Variants in KLHL11 observed in about 807,000 individuals in gnomAD.
The protein encoded by KLHL11 is kelch like family member 11, also known as kelch-like protein 11.
KLHL11 carries 26 observed loss-of-function variants against 56.1 expected under a neutral mutation model. That is an observed-to-expected ratio of 0.46 (90% confidence interval 0.34 to 0.64). The LOEUF (loss-of-function observed/expected upper bound fraction) is 0.64, where lower values mean the gene tolerates loss of function less well. KLHL11 is among the 30% of genes least tolerant of loss of function. KLHL11 has a pLI of 0.01. For missense variants in KLHL11, 627 were observed against 919.4 expected, an observed-to-expected ratio of 0.68 and a Z score of 4.11; for synonymous variants, 338 against 345.8, an observed-to-expected ratio of 0.98 and a Z score of 0.25.
intron 1 of KLHL11, among the ~76,000 whole-genome samples, chr17:41,857,177 A>C (rs2144157053): frequency 6.6e-6 from 1 of 152,010 alleles, no homozygotes; most frequent in African/African-American, 2.4e-5. Context: ...ACTGCACTCC[A>C]GCCTGGGCAA....
At position 41,861,686 on chromosome 17, in the gene KLHL11, C is replaced by CAAAA. The variant is rs71155178; in HGVS notation, c.545+3136_545+3139dup. ...GGGAAACAGAGCGAGACTCTTGTCT[C>CAAAA]AAAAAAAAAAAAAAAAAAAAAAAAA... On this transcript the variant is annotated intron_variant, in intron 1 of 1. Transcript: ENST00000319121. 9.3e-3 allele frequency among the ~76,000 whole-genome samples: 576 copies of CAAAA among 61,864 alleles called. 9 individuals are homozygous for CAAAA. Among genetic ancestry groups the CAAAA allele is most frequent in the African/African-American group, 0.019 (287 of 15,176 alleles). The allele number at this position is 61,864 out of a possible 152,430, so 40.6% of individuals were successfully genotyped here.
intron 1 of KLHL11, among the ~76,000 whole-genome samples, chr17:41,862,182 G>A (rs1192796899): frequency 2.0e-5 from 3 of 151,916 alleles, no homozygotes; most frequent in African/African-American, 4.8e-5. Context: ...TCCACCTCCC[G>A]GGTTCAAGCA....
rs782591374 is a variant in KLHL11 at position 41,865,335 on chromosome 17, C to G, written c.36G>C (p.Ala12=). The G allele has an allele frequency of 1.2e-5, 16 of 1,372,608 alleles. No individual in the cohort carries two copies. Among genetic ancestry groups the G allele is most frequent in the Non-Finnish European group, 1.5e-5 (16 of 1,064,192 alleles). The allele number at this position is 1,372,608 out of a possible 1,614,324, so 85.0% of individuals were successfully genotyped here. A position where few individuals can be genotyped will look rare whatever the true frequency, so the allele number is the denominator to read the frequency against. ...GTACCTGAAGAGATGCAGCCGCGGC[C>G]GCCGCCGCCGCCGCCGCCACTGCCG... is the stretch of plus-strand genomic sequence containing the variant. ...AAAAVAAAAA[A]AAAASLQVLE... The change falls in exon 1 of 2, where the codon GCG becomes GCC. Residue 12 remains alanine, a synonymous_variant. Transcript: ENST00000319121.
intron 1 of KLHL11, among the ~76,000 whole-genome samples, chr17:41,862,279 A>ATT (rs1168636204): frequency 8.9e-6 from 1 of 112,342 alleles, no homozygotes; most frequent in African/African-American, 3.4e-5. Context: ...GTATTTATTT[A>ATT]TTTTTTTTTT....
In KLHL11 at chr17:41,850,459, A is replaced by G. The variant is rs1555621934; in HGVS notation, c.*3281T>C. On this transcript the variant is annotated 3_prime_UTR_variant, in exon 2 of 2. Coordinates refer to ENST00000319121, the MANE Select transcript of KLHL11 (RefSeq NM_018143.3). ...GATGTGAAAAAAACACAACCCCACA[A>G]ATGACTTGGTAATAATTATCTCAGA... is the stretch of plus-strand genomic sequence containing the variant. 1 of 152,180 alleles carries G rather than the reference A, an allele frequency of 6.6e-6. No individual in the cohort carries two copies. Among genetic ancestry groups the G allele is most frequent in the Non-Finnish European group, 1.5e-5 (1 of 68,022 alleles). 9.4% of individuals were successfully genotyped at this position (152,180 alleles called of 1,614,324 possible). A position where few individuals can be genotyped will look rare whatever the true frequency, so the allele number is the denominator to read the frequency against.
chr17:41,858,470 T>G (rs1168922424), intron 1 of KLHL11, among the ~76,000 whole-genome samples: 3 of 151,052 alleles, frequency 2.0e-5, no homozygotes, highest in Non-Finnish European at 4.4e-5. Flanking sequence ...TTCGCTCTTA[T>G]TGCCCAGGCT....
intron 1 of KLHL11, among the ~76,000 whole-genome samples, chr17:41,859,032 A>G (rs2048386209): frequency 6.6e-6 from 1 of 152,058 alleles, no homozygotes; most frequent in East Asian, 1.9e-4. Flanking sequence ...GTTTTATTTC[A>G]TTTTTAAATT....
rs368960407 is a variant in KLHL11 at position 41,855,009 on chromosome 17, T to G, written c.858A>C (p.Glu286Asp). The G allele has an allele frequency of 3.7e-6, 6 of 1,614,002 alleles. No homozygotes were observed. Among genetic ancestry groups the G allele is most frequent in the Non-Finnish European group, 5.1e-6 (6 of 1,180,016 alleles). The change falls in exon 2 of 2, where the codon GAA becomes GAC. Residue 286 changes from glutamate to aspartate, a missense_variant. Around this residue, in one of 4 missense-constraint regions of KLHL11, gnomAD observed 106 missense variants for 227.0 expected, o/e 0.47. Transcript: ENST00000319121. ...RNAEERERYF[E>D]ELFKLLRLSQ... ...ACAACCTGAGCAATTTAAAAAGTTC[T>G]TCAAAGTATCTCTCTCTCTCTTCAG...
In KLHL11 at chr17:41,865,195, G is replaced by A; in HGVS notation, c.176C>T (p.Ala59Val). The change falls in exon 1 of 2, where the codon GCG becomes GTG. Residue 59 changes from alanine to valine, a missense_variant. Physicochemically the swap from Ala to Val is moderately conservative, Grantham distance 64. Transcript: ENST00000319121. ...TTCTGGGCCCGGATCGCCCCCGCTC[G>A]CCTCCATTGCAGAGATCCCCGGCCC... is the stretch of plus-strand genomic sequence containing the variant. ...GPGPGISAMEASGGDPGPEAE... is the reference protein window; with the variant it reads ...GPGPGISAMEVSGGDPGPEAE... 1 of 1,608,536 alleles carries A rather than the reference G, an allele frequency of 6.2e-7. No individual in the cohort carries two copies. Among genetic ancestry groups the A allele is most frequent in the Non-Finnish European group, 8.5e-7 (1 of 1,178,284 alleles).
chr17:41,863,130 C>T (rs2048415033), intron 1 of KLHL11, among the ~76,000 whole-genome samples: 1 of 152,074 alleles, frequency 6.6e-6, no homozygotes, highest in Non-Finnish European at 1.5e-5. Flanking sequence ...CAACCTCCTA[C>T]ACTAGTCTCT....
Position 41,865,233 on chromosome 17 carries a change from C to T in KLHL11, c.138G>A (p.Val46=). Reference sequence around the variant, plus strand: ...AGATCCCCGGCCCAGGCCCGAAGTCCACCGTGCCGCTGCCTCGGACCTCGG... The same window carrying T: ...AGATCCCCGGCCCAGGCCCGAAGTCTACCGTGCCGCTGCCTCGGACCTCGG... ...LAAEVRGSGT[V]DFGPGPGISA... Residue 46 remains valine, a synonymous_variant, in exon 1 of 2, where the codon GTG becomes GTA. Transcript: ENST00000319121. 6.3e-7 allele frequency: 1 copy of T among 1,597,230 alleles called. No homozygotes were observed. Among genetic ancestry groups the T allele is most frequent in the Non-Finnish European group, 8.5e-7 (1 of 1,174,184 alleles).
chr17:41,849,145 G>A lies in KLHL11; in HGVS notation c.*4595C>T, dbSNP rs548645312. 3 of 152,268 alleles carry A rather than the reference G, an allele frequency of 2.0e-5. No individual in the cohort carries two copies. Among genetic ancestry groups the A allele is most frequent in the African/African-American group, 4.8e-5 (2 of 41,538 alleles). 9.4% of individuals were successfully genotyped at this position (152,268 alleles called of 1,614,324 possible). A position where few individuals can be genotyped will look rare whatever the true frequency, so the allele number is the denominator to read the frequency against. On this transcript the variant is annotated 3_prime_UTR_variant, in exon 2 of 2. Coordinates refer to ENST00000319121, the MANE Select transcript of KLHL11 (RefSeq NM_018143.3). ...CTGGAGTGATGAACTGTGCCAAAATGTTTGAGAGACTGAATTGTTTCTCAA... is the reference window on the plus strand; with the variant it reads ...CTGGAGTGATGAACTGTGCCAAAATATTTGAGAGACTGAATTGTTTCTCAA...
Position 41,853,720 on chromosome 17 carries a change from A to G in KLHL11, c.*20T>C. 3.1e-6 allele frequency: 5 copies of G among 1,587,958 alleles called. No homozygotes were observed. The highest frequency in any genetic ancestry group is 4.3e-6 in the Non-Finnish European group (5 of 1,164,632). Reference sequence around the variant, plus strand: ...TCACGAAACGGGTGTAACAGTTTTAATCGGCACGCTTGAGAGAACCTAGCA... The same window carrying G: ...TCACGAAACGGGTGTAACAGTTTTAGTCGGCACGCTTGAGAGAACCTAGCA... On this transcript the variant is annotated 3_prime_UTR_variant, in exon 2 of 2. Transcript: ENST00000319121.
chr17:41,858,405 T>TATATATA (rs144099618), intron 1 of KLHL11, among the ~76,000 whole-genome samples: 5 of 49,086 alleles, frequency 1.0e-4, no homozygotes, highest in Admixed American at 2.7e-4. Flanking sequence ...TATATATATA[T>TATATATA]TTTTTGTTGT....
chr17:41,859,779 T>C (rs1227151056), intron 1 of KLHL11, among the ~76,000 whole-genome samples: 1 of 152,150 alleles, frequency 6.6e-6, no homozygotes, highest in African/African-American at 2.4e-5. Flanking sequence ...TGATCTGGCA[T>C]GTAGCTGACT....
chr17:41,855,226 AT>A lies in KLHL11; in HGVS notation c.640del (p.Met214CysfsTer4). On this transcript the variant is annotated frameshift_variant, in exon 2 of 2. Transcript: ENST00000319121. LOFTEE classifies it high-confidence loss of function. ...NCVAIHSLAH[M>X]YTLSQLALKA... ...CAGAGCAAGTTGGCTCAGGGTGTAC[AT>A]GTGTGCTAAGCTATGAATTGCCACA... The A allele has an allele frequency of 6.2e-7, 1 of 1,613,882 alleles. No homozygotes were observed. Among genetic ancestry groups the A allele is most frequent in the Non-Finnish European group, 8.5e-7 (1 of 1,179,890 alleles).
intron 1 of KLHL11, among the ~76,000 whole-genome samples, chr17:41,859,269 G>A (rs1172602671): frequency 1.3e-5 from 2 of 151,882 alleles, no homozygotes; most frequent in South Asian, 4.2e-4. Flanking sequence ...GTAGGGTTGG[G>A]CGCAGTGGTT....
chr17:41,854,522 T>C lies in KLHL11; in HGVS notation c.1345A>G (p.Thr449Ala). ...LMTRKHSFGLTEVKGKLYSIG... is the reference protein window; with the variant it reads ...LMTRKHSFGLAEVKGKLYSIG... ...CTATAGAGCTTCCCTTTGACTTCTG[T>C]TAGTCCAAAAGAATGCTTTCTTGTC... The change falls in exon 2 of 2, where the codon ACA (threonine) becomes GCA (alanine). Residue 449 changes from threonine (T) to alanine (A), a missense_variant. Thr to Ala is a moderately conservative substitution (Grantham distance 58). This residue lies in a region of KLHL11 where 250 missense variants were observed against 360.6 expected (regional missense o/e 0.69). Transcript: ENST00000319121. The surrounding 1 kb of genome is among the most constrained non-coding windows in gnomAD (Gnocchi z 4.9). 1 of 1,614,190 alleles carries C rather than the reference T, an allele frequency of 6.2e-7. No individual in the cohort carries two copies. Among genetic ancestry groups the C allele is most frequent in the South Asian group, 1.1e-5 (1 of 91,082 alleles).
chr17:41,853,241 T>C lies in KLHL11; in HGVS notation c.*499A>G, dbSNP rs2048341879. Among the ~76,000 whole-genome samples, 1 of 152,246 alleles carries C rather than the reference T, an allele frequency of 6.6e-6. No homozygotes were observed. Among genetic ancestry groups the C allele is most frequent in the Admixed American group, 6.5e-5 (1 of 15,288 alleles). On this transcript the variant is annotated 3_prime_UTR_variant, in exon 2 of 2. Transcript: ENST00000319121. ...TGCAAACATTCTCAAATTATCTTGC[T>C]GAAATATTGAGTGTTTTCATTCAAA...
Sources: gnomAD v4.1 joint callset for allele counts (sites outside exome capture counted in the v4.1 genomes callset) on GRCh38, gnomAD v4.1.1 for gene constraint, gnomAD v4.1.1 regional missense constraint, Gnocchi (gnomAD v3.1) non-coding constraint, MANE v1.5 for transcripts, NCBI Gene and HGNC (gene_info 2026-07-23, HGNC 2026-07-21) for gene names.